LRP1B: variants seen among roughly 807,000 people sequenced by gnomAD.
LRP1B encodes the protein LDL receptor related protein 1B.
LRP1B carries 217 observed loss-of-function variants against 556.6 expected under a neutral mutation model. The observed-to-expected ratio is 0.39, with a 90% CI of 0.35 to 0.44. The LOEUF (loss-of-function observed/expected upper bound fraction) is 0.44, where lower values mean the gene tolerates loss of function less well. LRP1B is among the 20% of genes least tolerant of loss of function. The pLI, the probability that LRP1B is intolerant of heterozygous loss-of-function variation, is 1.00. For synonymous variants in LRP1B, 2,047 were observed against 1,865.8 expected (o/e 1.10, Z -2.50); for missense variants, 5,053 against 5,620.8 (o/e 0.90, Z 3.23).
intron 41 of LRP1B, among the ~76,000 whole-genome samples, chr2:140,601,925 T>C (rs965071041): frequency 1.3e-5 from 2 of 152,130 alleles, no homozygotes; most frequent in African/African-American, 4.8e-5. Context: ...GGTGGCTCTC[T>C]TTCTTGTATC....
intron 68 of LRP1B, among the ~76,000 whole-genome samples, chr2:140,373,690 T>C (rs1321741713): frequency 2.6e-5 from 4 of 152,124 alleles, no homozygotes; most frequent in African/African-American, 7.2e-5. Flanking sequence ...GAGGACTGCT[T>C]GAGTCCAGGA....
Position 141,305,413 on chromosome 2 carries a change from T to A in LRP1B, c.344-50772A>T, listed in dbSNP as rs537937184. Among the ~76,000 whole-genome samples, 672 of 152,258 alleles carry A rather than the reference T, an allele frequency of 4.4e-3. 7 individuals carry two copies. The highest frequency in any genetic ancestry group is 7.3e-3 in the Non-Finnish European group (494 of 68,002). ...TCTAGTTCATTATTGGAATACAGAA[T>A]TGTTATTGATTTTTTATGTTGATTT... On this transcript the variant is annotated intron_variant, in intron 3 of 90. Transcript: ENST00000389484.
At chr2:140,930,510 T>C (rs1695018701) in intron 20 of LRP1B, among the ~76,000 whole-genome samples, 1 of 152,068 alleles carries the variant, frequency 6.6e-6, no homozygotes, top group Admixed American at 6.6e-5. Flanking sequence ...ATCATACATA[T>C]GATATAAATA....
intron 1 of LRP1B, among the ~76,000 whole-genome samples, chr2:141,975,341 A>G (rs1045432715): frequency 6.6e-6 from 1 of 152,032 alleles, no homozygotes; most frequent in Non-Finnish European, 1.5e-5. Flanking sequence ...GTTTGCATGA[A>G]CTTAGTTGAT....
At chr2:140,868,925 G>T (rs992687768) in intron 25 of LRP1B, among the ~76,000 whole-genome samples, 3 of 151,962 alleles carry the variant, frequency 2.0e-5, no homozygotes, top group Non-Finnish European at 2.9e-5. Context: ...CCAGAAATGG[G>T]TCCCCGGTAA....
At chr2:141,786,550 T>G (rs937925071) in intron 2 of LRP1B, among the ~76,000 whole-genome samples, 2 of 151,950 alleles carry the variant, frequency 1.3e-5, no homozygotes, top group African/African-American at 4.8e-5. Flanking sequence ...ATATATTTGA[T>G]GATTTTTCTA....
At chr2:140,919,232 A>G (rs1300520145) in intron 21 of LRP1B, among the ~76,000 whole-genome samples, 1 of 152,050 alleles carries the variant, frequency 6.6e-6, no homozygotes, top group Non-Finnish European at 1.5e-5. Context: ...ACTTGTGCCT[A>G]TCTACAAGCA....
chr2:141,604,327 C>G (rs140529436), intron 2 of LRP1B, among the ~76,000 whole-genome samples: 155 of 152,174 alleles, frequency 1.0e-3, no homozygotes, highest in East Asian at 7.0e-3. Context: ...ATTGGGTCTC[C>G]TCATGAAGCA....
In LRP1B at chr2:141,032,772, T is replaced by C. The variant is rs918961139; in HGVS notation, c.1790-12670A>G. 2.5e-4 allele frequency among the ~76,000 whole-genome samples: 37 copies of C among 150,692 alleles called. 1 individual carries two copies. The highest frequency in any genetic ancestry group is 8.5e-4 in the African/African-American group (35 of 41,202). On this transcript the variant is annotated intron_variant, in intron 11 of 90. Coordinates refer to ENST00000389484, the MANE Select transcript of LRP1B (RefSeq NM_018557.3). ...GCTCATAATGCCTTTTTCATAGAAA[T>C]GTGTTTTCTAAAATTTTAACGCAGG...
intron 23 of LRP1B, 142 bp downstream of exon 23, chr2:140,902,778 A>T: frequency 1.3e-6 from 1 of 764,092 alleles, no homozygotes; most frequent in Non-Finnish European, 2.0e-6. Context: ...ATTTTATAGT[A>T]GGTCTAAAAT....
intron 33 of LRP1B, 92 bp downstream of exon 33, chr2:140,776,006 T>C (rs977939743): frequency 7.2e-6 from 8 of 1,107,178 alleles, no homozygotes; most frequent in Non-Finnish European, 1.0e-5. Context: ...GAAGCAAGAA[T>C]AGAAACCTTT....
intron 41 of LRP1B, among the ~76,000 whole-genome samples, chr2:140,615,917 C>T (rs1683239814): frequency 1.3e-5 from 2 of 151,986 alleles, no homozygotes; most frequent in Admixed American, 6.6e-5. Flanking sequence ...AAAATAGTCT[C>T]TACATATTCT....
intron 35 of LRP1B, 120 bp downstream of exon 35, chr2:140,769,093 T>A (rs1251393089): frequency 1.1e-6 from 1 of 900,860 alleles, no homozygotes; most frequent in Non-Finnish European, 1.7e-6. Flanking sequence ...TTTATCTATT[T>A]GCTGCTTTCT....
At chr2:140,606,963 A>C (rs921660063) in intron 41 of LRP1B, among the ~76,000 whole-genome samples, 1 of 152,076 alleles carries the variant, frequency 6.6e-6, no homozygotes, top group Non-Finnish European at 1.5e-5. Context: ...GATCTCATCA[A>C]AATGAAAAAC....
intron 7 of LRP1B, among the ~76,000 whole-genome samples, chr2:141,063,352 T>G (rs1396349388): frequency 6.6e-6 from 1 of 151,866 alleles, no homozygotes; most frequent in African/African-American, 2.4e-5. Flanking sequence ...TAATTTTAAT[T>G]TAGTTCTCTC....
chr2:140,818,732 C>T (rs143573891), intron 31 of LRP1B, among the ~76,000 whole-genome samples: 1 of 151,826 alleles, frequency 6.6e-6, no homozygotes, highest in Non-Finnish European at 1.5e-5. Context: ...GTTAAGAGGT[C>T]GAGACCAGCC....
At chr2:140,839,447 C>T (rs931440277) in intron 31 of LRP1B, among the ~76,000 whole-genome samples, 6 of 152,140 alleles carry the variant, frequency 3.9e-5, no homozygotes, top group Non-Finnish European at 7.3e-5. Context: ...TCTGGGTGGG[C>T]ACCACCTAAT....
intron 3 of LRP1B, among the ~76,000 whole-genome samples, chr2:141,353,648 A>G (rs1243727205): frequency 1.3e-5 from 2 of 151,996 alleles, no homozygotes; most frequent in Non-Finnish European, 2.9e-5. Flanking sequence ...CTAAGTTACC[A>G]TAAAACAGTA....
At chr2:141,358,226 A>T (rs577779189) in intron 3 of LRP1B, among the ~76,000 whole-genome samples, 2 of 152,234 alleles carry the variant, frequency 1.3e-5, no homozygotes, top group African/African-American at 4.8e-5. Context: ...AAGATGTTAG[A>T]CAAGCTGAAA....
Sources: allele counts gnomAD v4.1 joint callset (sites outside exome capture counted in the v4.1 genomes callset), GRCh38; gene constraint gnomAD v4.1.1; transcripts MANE v1.5; gene names NCBI Gene and HGNC (gene_info 2026-07-23, HGNC 2026-07-21).